The following DOCK4 variants were observed in gnomAD, a reference collection of about 807,000 sequenced individuals.
DOCK4 encodes the protein dedicator of cytokinesis protein 4.
DOCK4 carries 97 observed loss-of-function variants against 268.1 expected under a neutral mutation model. The ratio of observed to expected loss-of-function variants is 0.36; its 90% CI spans 0.31 to 0.43. The LOEUF (loss-of-function observed/expected upper bound fraction) is 0.43. Ranked by LOEUF, DOCK4 falls within the 20% of genes least tolerant of loss-of-function variation. The pLI is 1.00. For synonymous variants in DOCK4, 954 were observed against 887.2 expected (o/e 1.08, Z -1.34); for missense variants, 2,145 against 2,455.7 (o/e 0.87, Z 2.67).
intron 6 of DOCK4, among the ~76,000 whole-genome samples, chr7:111,988,603 A>G (rs934428323): frequency 1.3e-5 from 2 of 152,218 alleles, no homozygotes; most frequent in Admixed American, 1.3e-4. Context: ...AGCTGTTAAC[A>G]TTAGTGTCTC....
chr7:111,871,869 C>T (rs534909702), intron 20 of DOCK4, 121 bp downstream of exon 20: 10 of 622,158 alleles, frequency 1.6e-5, no homozygotes, highest in Non-Finnish European at 2.6e-5. Flanking sequence ...TCTCAAGAGA[C>T]ACTTCAGTAG....
chr7:112,115,068 C>G (rs975030723), intron 1 of DOCK4, among the ~76,000 whole-genome samples: 1 of 152,126 alleles, frequency 6.6e-6, no homozygotes, highest in East Asian at 1.9e-4. Flanking sequence ...ACCCTAATAT[C>G]TAGTCAAGCA....
chr7:111,852,244 G>A (rs1490391867), intron 23 of DOCK4, among the ~76,000 whole-genome samples: 1 of 152,094 alleles, frequency 6.6e-6, no homozygotes, highest in Non-Finnish European at 1.5e-5. Flanking sequence ...GATTACAGGC[G>A]TGAGCCACCA....
At chr7:111,858,279 C>T (rs1805182213) in intron 23 of DOCK4, among the ~76,000 whole-genome samples, 1 of 152,218 alleles carries the variant, frequency 6.6e-6, no homozygotes, top group African/African-American at 2.4e-5. Flanking sequence ...TGCAGCCATG[C>T]TTCTTCCTTT....
intron 8 of DOCK4, among the ~76,000 whole-genome samples, chr7:111,962,040 C>G (rs575403659): frequency 6.6e-6 from 1 of 152,064 alleles, no homozygotes; most frequent in South Asian, 2.1e-4. Context: ...GAAATTTTGT[C>G]ATATTTTCTT....
intron 1 of DOCK4, among the ~76,000 whole-genome samples, chr7:112,027,644 T>G (rs1366944656): frequency 6.6e-6 from 1 of 152,244 alleles, no homozygotes; most frequent in East Asian, 1.9e-4. Flanking sequence ...AAAGCAGATT[T>G]AATGAACTTA....
intron 1 of DOCK4, among the ~76,000 whole-genome samples, chr7:112,109,047 G>T (rs1811391809): frequency 1.3e-5 from 2 of 152,092 alleles, no homozygotes; most frequent in African/African-American, 4.8e-5. Context: ...ATGGATGTAA[G>T]AGGAACGTGC....
chr7:112,040,304 A>T (rs1048055414), intron 1 of DOCK4, among the ~76,000 whole-genome samples: 1 of 152,226 alleles, frequency 6.6e-6, no homozygotes, highest in Non-Finnish European at 1.5e-5. Flanking sequence ...CCACATGTAG[A>T]CACTGTACTT....
At chr7:112,108,702 T>C (rs745867696) in intron 1 of DOCK4, among the ~76,000 whole-genome samples, 2 of 152,194 alleles carry the variant, frequency 1.3e-5, no homozygotes, top group Admixed American at 1.3e-4. Context: ...TAAAAACTCA[T>C]TTCAAGATCT....
At chr7:112,018,011 C>A (rs1801966732) in intron 1 of DOCK4, among the ~76,000 whole-genome samples, 1 of 151,538 alleles carries the variant, frequency 6.6e-6, no homozygotes, top group Non-Finnish European at 1.5e-5. Context: ...ACGGTGAAAC[C>A]CCGTCTCTAC....
At chr7:111,755,402 A>T in intron 42 of DOCK4, 113 bp downstream of exon 42, 1 of 960,628 alleles carries the variant, frequency 1.0e-6, no homozygotes, top group Non-Finnish European at 1.6e-6. Context: ...TCACTATTTT[A>T]CTATGAGTGC....
intron 12 of DOCK4, among the ~76,000 whole-genome samples, chr7:111,927,274 G>A (rs1288392873): frequency 6.6e-6 from 1 of 152,194 alleles, no homozygotes; most frequent in Non-Finnish European, 1.5e-5. Context: ...AAATTTCAAA[G>A]CTTTGGGAAA....
rs185001814 is a variant in DOCK4 at position 111,940,726 on chromosome 7, C to G, written c.845-484G>C. ...ATGTGCATGCTCCTGCCTCAGCTCT[C>G]AGGCTGTTCAGAACTCAGTTGTCAC... On this transcript the variant is annotated intron_variant, in intron 10 of 52. Coordinates refer to ENST00000428084, the MANE Select transcript of DOCK4 (RefSeq NM_001363540.2). Among the ~76,000 whole-genome samples the G allele has an allele frequency of 9.2e-5, 14 of 152,336 alleles. No individual in the cohort carries two copies. In the East Asian group the frequency reaches 1.5e-3, roughly 17 times the overall value.
chr7:111,811,003 A>G (rs1801087905), intron 28 of DOCK4, among the ~76,000 whole-genome samples: 1 of 149,142 alleles, frequency 6.7e-6, no homozygotes, highest in African/African-American at 2.6e-5. Context: ...CTCTGTCTCA[A>G]AAACAAAACA....
chr7:111,731,033 T>C (rs767946651), intron 52 of DOCK4, among the ~76,000 whole-genome samples: 1 of 152,164 alleles, frequency 6.6e-6, no homozygotes, highest in Non-Finnish European at 1.5e-5. Context: ...TAAGGGCAAA[T>C]GTAAAAGTGC....
At chr7:111,905,032 C>T (rs985109810) in intron 13 of DOCK4, among the ~76,000 whole-genome samples, 9 of 152,186 alleles carry the variant, frequency 5.9e-5, no homozygotes, top group African/African-American at 2.2e-4. Flanking sequence ...AAGAAGAACA[C>T]TTCTCCTGGA....
At chr7:111,987,882 TTGTC>T (rs1164152250) in intron 6 of DOCK4, among the ~76,000 whole-genome samples, 2 of 152,198 alleles carry the variant, frequency 1.3e-5, no homozygotes, top group African/African-American at 4.8e-5. Context: ...CTTCTATTCA[TTGTC>T]TGTAAAAAGA....
chr7:112,094,083 T>C (rs1047539435), intron 1 of DOCK4, among the ~76,000 whole-genome samples: 1 of 152,064 alleles, frequency 6.6e-6, no homozygotes, highest in African/African-American at 2.4e-5. Flanking sequence ...TATATATCAA[T>C]AGGTTTTTTT....
At position 112,133,107 on chromosome 7, in the gene DOCK4, C is replaced by A. The variant is rs188165234; in HGVS notation, c.37+72995G>T. ...TGAGACTTCTAGGTCTTCATTCCAACCCAAATCCCAGAATAGGGATACAGG... is the reference window on the plus strand; with the variant it reads ...TGAGACTTCTAGGTCTTCATTCCAAACCAAATCCCAGAATAGGGATACAGG... On this transcript the variant is annotated intron_variant, in intron 1 of 52. Coordinates refer to ENST00000428084, the MANE Select transcript of DOCK4 (RefSeq NM_001363540.2). Among the ~76,000 whole-genome samples the A allele has an allele frequency of 2.8e-3, 421 of 152,272 alleles. 1 individual carries two copies. Among genetic ancestry groups the A allele is most frequent in the African/African-American group, 9.6e-3 (399 of 41,550 alleles).
Sources: allele counts gnomAD v4.1 joint callset (sites outside exome capture counted in the v4.1 genomes callset), GRCh38; gene constraint gnomAD v4.1.1; transcripts MANE v1.5; gene names NCBI Gene and HGNC (gene_info 2026-07-23, HGNC 2026-07-21).